The following PROC variants were observed in gnomAD, a reference collection of about 807,000 sequenced individuals.
The protein encoded by PROC is vitamin K-dependent protein C.
Under a neutral mutation model 36.3 loss-of-function variants are expected in PROC, and 22 were observed. That is an observed-to-expected ratio of 0.61 (90% CI 0.43 to 0.86). PROC has a LOEUF of 0.86. Ranked by LOEUF, PROC falls within the 40% of genes least tolerant of loss-of-function variation. The pLI is 0.00. For missense variants in PROC, 526 were observed against 629.7 expected (o/e 0.84, Z 1.76); for synonymous variants, 218 against 244.5 (o/e 0.89, Z 1.01).
At chr2:127,428,003 T>C (rs985781776) in intron 8 of PROC, among the ~76,000 whole-genome samples, 1 of 152,204 alleles carries the variant, frequency 6.6e-6, no homozygotes, top group South Asian at 2.1e-4. Flanking sequence ...CGTTCCTTTG[T>C]GGCTCTGGTC....
At chr2:127,421,507 G>A in intron 3 of PROC, 58 bp downstream of exon 3, 8 of 1,598,806 alleles carry the variant, frequency 5.0e-6, no homozygotes, top group Non-Finnish European at 6.8e-6. Flanking sequence ...AACCAGCAGG[G>A]GCCTCGAGGA....
Position 127,421,388 on chromosome 2 carries a change from G to A in PROC, c.176G>A (p.Cys59Tyr). 6.2e-7 allele frequency: 1 copy of A among 1,613,944 alleles called. No individual in the cohort carries two copies. Among genetic ancestry groups the A allele is most frequent in the Non-Finnish European group, 8.5e-7 (1 of 1,179,958 alleles). Residue 59 changes from cysteine to tyrosine, a missense_variant, in exon 3 of 9, where the codon TGC becomes TAC. By Grantham distance (194) the Cys-to-Tyr change is radical. Transcript: ENST00000234071. Reference protein sequence around the residue: ...ELRHSSLERECIEEICDFEEA... With the variant: ...ELRHSSLEREYIEEICDFEEA... The stretch of plus-strand genomic sequence containing the variant: ...CGTCACAGCAGCCTGGAGCGGGAGT[G>A]CATAGAGGAGATCTGTGACTTCGAG...
rs1252000412 is a variant in PROC, at chr2:127,423,090, G to A, written c.319G>A (p.Gly107Arg). ...GCACCCGTGCGCCAGCCTGTGCTGC[G>A]GGCACGGCACGTGCATCGACGGCAT... ...LEHPCASLCC[G>R]HGTCIDGIGS... Residue 107 changes from glycine (G) to arginine (R), a missense_variant, in exon 5 of 9, where the codon GGG (glycine) becomes AGG (arginine). Gly to Arg is a moderately radical substitution (Grantham distance 125). Coordinates refer to ENST00000234071, the MANE Select transcript of PROC (RefSeq NM_000312.4). 1.9e-6 allele frequency: 3 copies of A among 1,611,524 alleles called. No homozygotes were observed. The highest frequency in any genetic ancestry group is 2.5e-6 in the Non-Finnish European group (3 of 1,179,254).
chr2:127,423,423 A>C lies in PROC; in HGVS notation c.535+15A>C, dbSNP rs750881439. 1 of 1,546,872 alleles carries C rather than the reference A, an allele frequency of 6.5e-7. No individual in the cohort carries two copies. On this transcript the variant is annotated intron_variant, in intron 6 of 8. Transcript: ENST00000234071. ...TCACCCCGCAGGTGAGAAGCCCCCA[A>C]TACATCGCCCAGGAATCACGCTGGG... is the stretch of plus-strand genomic sequence containing the variant.
In PROC at chr2:127,418,518, T is replaced by C. The variant is rs2069905; in HGVS notation, c.-22+26T>C. Reference sequence around the variant, plus strand: ...GTGAGTCCCCCTCCAGGCAGGTCTATGAGGGGTGTGGAGGGAGGGCTGCCC... The same window carrying C: ...GTGAGTCCCCCTCCAGGCAGGTCTACGAGGGGTGTGGAGGGAGGGCTGCCC... On this transcript the variant is annotated intron_variant, in intron 1 of 8. Transcript: ENST00000234071. The surrounding 1 kb of genome is among the most constrained non-coding windows in gnomAD (Gnocchi z 4.8). 6,019 of 1,289,444 alleles carry C rather than the reference T, an allele frequency of 4.7e-3. 202 individuals are homozygous for C. In the African/African-American group the frequency reaches 0.076, roughly 16 times the overall value. 79.9% of individuals were successfully genotyped at this position (1,289,444 alleles called of 1,614,324 possible).
chr2:127,423,453 G>A lies in PROC; in HGVS notation c.535+45G>A, dbSNP rs534290227. On this transcript the variant is annotated intron_variant, in intron 6 of 8. Transcript: ENST00000234071. ...TCGCCCAGGAATCACGCTGGGTGCAGGGTGGGCAGGCCCCCTGACGGGGCG... is the reference window on the plus strand; with the variant it reads ...TCGCCCAGGAATCACGCTGGGTGCAAGGTGGGCAGGCCCCCTGACGGGGCG... The A allele has an allele frequency of 3.6e-4, 548 of 1,536,906 alleles. 3 individuals carry two copies. The African/African-American group carries it at 7.0e-3, about 20-fold the overall frequency.
Position 127,418,804 on chromosome 2 carries a change from C to A in PROC, c.-22+312C>A, listed in dbSNP as rs1406498050. Among the ~76,000 whole-genome samples, 3 of 152,210 alleles carry A rather than the reference C, an allele frequency of 2.0e-5. No individual in the cohort carries two copies. The highest frequency in any genetic ancestry group is 2.0e-4 in the Admixed American group (3 of 15,286). On this transcript the variant is annotated intron_variant, in intron 1 of 8. Transcript: ENST00000234071. The surrounding 1 kb of genome is among the most constrained non-coding windows in gnomAD (Gnocchi z 4.8). ...CACCTTTGGGGGTGTCGGATTTGAA[C>A]AAATCTCAGAAGTGGCCTCAGAGGG...
chr2:127,427,338 A>G, intron 8 of PROC, 116 bp downstream of exon 8: 1 of 886,620 alleles, frequency 1.1e-6, no homozygotes, highest in Non-Finnish European at 1.8e-6. Flanking sequence ...AGGCTTCTTG[A>G]GCTCCACAGA....
intron 5 of PROC, 29 bp downstream of exon 5, chr2:127,423,200 C>A (rs1001565169): frequency 2.0e-6 from 2 of 981,870 alleles, no homozygotes; most frequent in East Asian, 4.4e-5. Context: ...TGCTGGCGGG[C>A]GGCGGGGCGG....
intron 6 of PROC, among the ~76,000 whole-genome samples, chr2:127,425,364 T>C (rs1688421385): frequency 6.6e-6 from 1 of 152,230 alleles, no homozygotes; most frequent in Admixed American, 6.5e-5. Context: ...ATTGCTCTTT[T>C]AAGTCTAGAT....
At chr2:127,423,432 C>A in intron 6 of PROC, 24 bp downstream of exon 6, 1 of 1,544,818 alleles carries the variant, frequency 6.5e-7, no homozygotes, top group Non-Finnish European at 8.7e-7. Flanking sequence ...AATACATCGC[C>A]CAGGAATCAC....
rs1465052043 is a variant in PROC, at chr2:127,423,421, C to G, written c.535+13C>G. On this transcript the variant is annotated intron_variant, in intron 6 of 8. Coordinates refer to ENST00000234071, the MANE Select transcript of PROC (RefSeq NM_000312.4). ...TGTCACCCCGCAGGTGAGAAGCCCC[C>G]AATACATCGCCCAGGAATCACGCTG... is the stretch of plus-strand genomic sequence containing the variant. The G allele has an allele frequency of 7.1e-6, 11 of 1,547,058 alleles. No individual in the cohort carries two copies. Among genetic ancestry groups the G allele is most frequent in the African/African-American group, 5.5e-5 (4 of 72,860 alleles).
Position 127,429,087 on chromosome 2 carries a change from C to T in PROC, c.*141C>T, listed in dbSNP as rs1043018625. The T allele has an allele frequency of 1.1e-5, 10 of 902,982 alleles. No individual in the cohort carries two copies. In the East Asian group the frequency reaches 2.6e-4, roughly 24 times the overall value. The allele number at this position is 902,982 out of a possible 1,614,324, so 55.9% of individuals were successfully genotyped here. On this transcript the variant is annotated 3_prime_UTR_variant, in exon 9 of 9. Coordinates refer to ENST00000234071, the MANE Select transcript of PROC (RefSeq NM_000312.4). ...GGAGGGAAGTAACATTTACTGAGCA[C>T]CTGTTGTATGTCACATGCCTTATGA...
Position 127,428,637 on chromosome 2 carries a change from C to G in PROC, c.1077C>G (p.Val359=), listed in dbSNP as rs766061833. 15 of 1,614,080 alleles carry G rather than the reference C, an allele frequency of 9.3e-6. No individual in the cohort carries two copies. The South Asian group carries it at 1.4e-4, about 15-fold the overall frequency. ...AGGCCAAGAGAAACCGCACCTTCGTCCTCAACTTCATCAAGATTCCCGTGG... is the reference window on the plus strand; with the variant it reads ...AGGCCAAGAGAAACCGCACCTTCGTGCTCAACTTCATCAAGATTCCCGTGG... ...EKEAKRNRTF[V]LNFIKIPVVP... is the part of the protein sequence containing the mutation. The change falls in exon 9 of 9, where the codon GTC becomes GTG. Residue 359 remains valine (V), a synonymous_variant. Coordinates refer to ENST00000234071, the MANE Select transcript of PROC (RefSeq NM_000312.4).
rs375473989 is a variant in PROC, at chr2:127,424,303, G to C, written c.535+895G>C. On this transcript the variant is annotated intron_variant, in intron 6 of 8. Transcript: ENST00000234071. Reference sequence around the variant, plus strand: ...CAACCTCCGCCTCCTGGATTCAAGCGATTCTCCTGCCGCAGCCTCCCGAGT... The same window carrying C: ...CAACCTCCGCCTCCTGGATTCAAGCCATTCTCCTGCCGCAGCCTCCCGAGT... Among the ~76,000 whole-genome samples the C allele has an allele frequency of 9.9e-5, 15 of 152,176 alleles. No homozygotes were observed. The East Asian group carries it at 1.7e-3, about 18-fold the overall frequency.
intron 1 of PROC, among the ~76,000 whole-genome samples, chr2:127,419,326 A>G (rs1487615718): frequency 6.6e-6 from 1 of 152,198 alleles, no homozygotes; most frequent in African/African-American, 2.4e-5. Flanking sequence ...TCTCATGTTT[A>G]CTGAGCATGA....
At chr2:127,420,080 A>G in intron 2 of PROC, 68 bp downstream of exon 2, 1 of 1,524,282 alleles carries the variant, frequency 6.6e-7, no homozygotes, top group East Asian at 2.3e-5. Flanking sequence ...GCATCTGCCC[A>G]GGCCTTCACA....
At chr2:127,419,751 G>A (rs1687976067) in intron 1 of PROC, 171 bp from the exon 2 acceptor site, 2 of 1,448,114 alleles carry the variant, frequency 1.4e-6, no homozygotes, top group South Asian at 2.7e-5. Context: ...CGTAGAGCGG[G>A]CAGCCGAGGC....
intron 1 of PROC, 60 bp from the exon 2 acceptor site, chr2:127,419,862 G>A: frequency 6.2e-7 from 1 of 1,612,552 alleles, no homozygotes; most frequent in Admixed American, 1.7e-5. Context: ...TTCCACCTGG[G>A]GGTGCAGGCA....
Sources: gnomAD v4.1 joint callset for allele counts (sites outside exome capture counted in the v4.1 genomes callset) on GRCh38, gnomAD v4.1.1 for gene constraint, Gnocchi (gnomAD v3.1) non-coding constraint, MANE v1.5 for transcripts, NCBI Gene and HGNC (gene_info 2026-07-23, HGNC 2026-07-21) for gene names.